The following CPAMD8 variants were observed in gnomAD, a reference collection of about 807,000 sequenced individuals.
CPAMD8 encodes C3 and PZP-like alpha-2-macroglobulin domain-containing protein 8.
CPAMD8 carries 146 observed loss-of-function variants against 224.7 expected under a neutral mutation model. The ratio of observed to expected loss-of-function variants is 0.65; its 90% CI spans 0.57 to 0.75. The LOEUF is 0.75. CPAMD8 is among the 30% of genes least tolerant of loss of function. CPAMD8 has a pLI of 0.00. For synonymous variants in CPAMD8, 966 were observed against 1,044.6 expected (o/e 0.92, Z 1.45); for missense variants, 2,301 against 2,537.5 (o/e 0.91, Z 2.00).
At chr19:16,952,261 C>T (rs1599770286) in intron 19 of CPAMD8, 61 bp from the exon 20 acceptor site, 2 of 972,082 alleles carry the variant, frequency 2.1e-6, no homozygotes, top group East Asian at 2.6e-5. Flanking sequence ...CTCAGGGGGG[C>T]CAGTGGGCAT....
In CPAMD8 at chr19:17,026,587, G is replaced by C; in HGVS notation, c.56C>G (p.Ala19Gly). 1 of 1,527,450 alleles carries C rather than the reference G, an allele frequency of 6.5e-7. No homozygotes were observed. The highest frequency in any genetic ancestry group is 8.7e-7 in the Non-Finnish European group (1 of 1,146,396). 94.6% of individuals were successfully genotyped at this position (1,527,450 alleles called of 1,614,324 possible). A position where few individuals can be genotyped will look rare whatever the true frequency, so the allele number is the denominator to read the frequency against. Residue 19 changes from alanine (A) to glycine (G), a missense_variant, in exon 1 of 42, where the codon GCG becomes GGG. This residue lies in a region of CPAMD8 where 283 missense variants were observed against 340.6 expected (regional missense o/e 0.83). Transcript: ENST00000443236. Reference protein sequence around the residue: ...LLPLLLLLLSARDGVRAAQPQ... With the variant: ...LLPLLLLLLSGRDGVRAAQPQ... The stretch of plus-strand genomic sequence containing the variant: ...CTGCGCGGCGCGCACGCCGTCCCGC[G>C]CCGACAGCAGCAGGAGCAGGAGCGG...
intron 22 of CPAMD8, among the ~76,000 whole-genome samples, chr19:16,942,654 C>T (rs1038756344): frequency 6.6e-6 from 1 of 152,196 alleles, no homozygotes; most frequent in African/African-American, 2.4e-5. Flanking sequence ...GCTGACTCAG[C>T]TCACAGAGGA....
intron 8 of CPAMD8, chr19:17,002,610 G>A (rs1185626646): frequency 1.5e-5 from 5 of 334,046 alleles, no homozygotes; most frequent in East Asian, 5.4e-5. Context: ...AGAGTGTGGC[G>A]GATTCCAGCC....
intron 18 of CPAMD8, among the ~76,000 whole-genome samples, chr19:16,967,829 G>GTA (rs1348147866): frequency 2.9e-4 from 15 of 51,048 alleles, no homozygotes; most frequent in Non-Finnish European, 4.5e-4. Context: ...ATATATATAT[G>GTA]TATATATATA....
rs186698552 is a variant in CPAMD8, at chr19:16,923,042, G to A, written c.3548-1056C>T. Among the ~76,000 whole-genome samples, 45 of 152,360 alleles carry A rather than the reference G, an allele frequency of 3.0e-4. No individual in the cohort carries two copies. In the East Asian group the frequency reaches 7.9e-3, roughly 27 times the overall value. ...CCCACAGCCCTCTGTCCCCAGGCGT[G>A]GGGGCTGCTCCAACTGCTGGGGCGA... is the stretch of plus-strand genomic sequence containing the variant. On this transcript the variant is annotated intron_variant, in intron 26 of 41. Coordinates refer to ENST00000443236, the MANE Select transcript of CPAMD8 (RefSeq NM_015692.5).
At position 16,928,969 on chromosome 19, in the gene CPAMD8, C is replaced by A; in HGVS notation, c.3117G>T (p.Trp1039Cys). Residue 1039 changes from tryptophan to cysteine, a missense_variant, in exon 24 of 42, where the codon TGG (tryptophan) becomes TGT (cysteine). Physicochemically the swap from Trp to Cys is radical, Grantham distance 215. Transcript: ENST00000443236. ...ILSWDEFRTF[W>C]ISWRGGLIQV... Reference sequence around the variant, plus strand: ...GGATAAGGCCACCACGCCAGCTGATCCAGAATGTTCTGAATTCATCCCAGG... The same window carrying A: ...GGATAAGGCCACCACGCCAGCTGATACAGAATGTTCTGAATTCATCCCAGG... 1 of 1,611,886 alleles carries A rather than the reference C, an allele frequency of 6.2e-7. No individual in the cohort carries two copies.
At chr19:16,983,699 G>A (rs143474485) in intron 13 of CPAMD8, among the ~76,000 whole-genome samples, 280 of 152,248 alleles carry the variant, frequency 1.8e-3, no homozygotes, top group African/African-American at 6.5e-3. Context: ...AAGGCCATGA[G>A]TGGGATAACT....
intron 19 of CPAMD8, among the ~76,000 whole-genome samples, chr19:16,954,997 G>A (rs987009983): frequency 3.3e-5 from 5 of 152,324 alleles, no homozygotes; most frequent in African/African-American, 1.2e-4. Flanking sequence ...GCATGGTGGT[G>A]GGCGGCTGTG....
chr19:17,021,281 G>T (rs1365767764), intron 2 of CPAMD8, among the ~76,000 whole-genome samples: 1 of 152,128 alleles, frequency 6.6e-6, no homozygotes, highest in Non-Finnish European at 1.5e-5. Flanking sequence ...AAGCCAACTG[G>T]GTTGGGTTTC....
chr19:17,002,092 A>G (rs1417902771), intron 9 of CPAMD8, among the ~76,000 whole-genome samples, 174 bp downstream of exon 9: 2 of 145,340 alleles, frequency 1.4e-5, no homozygotes, highest in African/African-American at 2.6e-5. Flanking sequence ...ACAGGAAGGG[A>G]GATGCACTAG....
rs1308989157 is a variant in CPAMD8 at position 16,907,036 on chromosome 19, G to A, written c.3943C>T (p.Leu1315=). The A allele has an allele frequency of 6.2e-7, 1 of 1,610,390 alleles. No homozygotes were observed. The highest frequency in any genetic ancestry group is 8.5e-7 in the Non-Finnish European group (1 of 1,179,140). ...AGCAGGGTCAGCGCGTAGGTAGTCAGGGCACAGCTATAAGGGTCCATGGCC... is the reference window on the plus strand; with the variant it reads ...AGCAGGGTCAGCGCGTAGGTAGTCAAGGCACAGCTATAAGGGTCCATGGCC... ...PLAMDPYSCA[L]TTYALTLLRS... The change falls in exon 30 of 42, where the codon CTG becomes TTG. Residue 1315 remains leucine (L), a synonymous_variant. Coordinates refer to ENST00000443236, the MANE Select transcript of CPAMD8 (RefSeq NM_015692.5).
chr19:16,982,682 A>C (rs904325048), intron 13 of CPAMD8, among the ~76,000 whole-genome samples: 2 of 151,758 alleles, frequency 1.3e-5, no homozygotes. Context: ...AAAAAATAAT[A>C]AAAAAAATAG....
At chr19:16,929,269 G>T (rs1404089620) in intron 23 of CPAMD8, 29 bp from the exon 24 acceptor site, 4 of 1,561,272 alleles carry the variant, frequency 2.6e-6, no homozygotes, top group Non-Finnish European at 3.5e-6. Flanking sequence ...ATGGGGAGTT[G>T]AGAGGGCACC....
Position 16,928,036 on chromosome 19 carries a change from A to T in CPAMD8, c.3343T>A (p.Ser1115Thr). The change falls in exon 25 of 42, where the codon TCT becomes ACT. Residue 1115 changes from serine (S) to threonine (T), a missense_variant. Around this residue, in one of 4 missense-constraint regions of CPAMD8, gnomAD observed 1,709 missense variants for 1,753.2 expected, o/e 0.97. Coordinates refer to ENST00000443236, the MANE Select transcript of CPAMD8 (RefSeq NM_015692.5). ...LGVPHGAIPG[S>T]ERATASIIGD... ...ATGATGGAGGCGGTGGCTCGCTCAG[A>T]CCCAGGGATGGCGCCGTGTGGGACC... The T allele has an allele frequency of 6.2e-7, 1 of 1,613,624 alleles. No homozygotes were observed. The highest frequency in any genetic ancestry group is 8.5e-7 in the Non-Finnish European group (1 of 1,179,724).
At chr19:16,998,557 T>C (rs549680147) in intron 10 of CPAMD8, among the ~76,000 whole-genome samples, 14 of 152,226 alleles carry the variant, frequency 9.2e-5, no homozygotes, top group African/African-American at 3.4e-4. Context: ...GGAAAGGGAC[T>C]GAGAAGGAGC....
chr19:17,009,445 CT>C, intron 5 of CPAMD8, 125 bp from the exon 6 acceptor site: 1 of 1,519,610 alleles, frequency 6.6e-7, no homozygotes, highest in Non-Finnish European at 9.0e-7. Flanking sequence ...CAGTGTCCCC[CT>C]AGATTACATC....
At chr19:16,896,394 A>T in intron 40 of CPAMD8, 62 bp downstream of exon 40, 5 of 1,515,642 alleles carry the variant, frequency 3.3e-6, no homozygotes, top group Non-Finnish European at 4.4e-6. Context: ...AGGGGAGGAG[A>T]TCCGTGGCCC....
chr19:16,969,873 C>CAAAAAAAA (rs768905816), intron 18 of CPAMD8, among the ~76,000 whole-genome samples: 4 of 69,844 alleles, frequency 5.7e-5, no homozygotes, highest in African/African-American at 1.7e-4. Flanking sequence ...GGCTCCATCT[C>CAAAAAAAA]AAAAAAAAAA....
intron 5 of CPAMD8, among the ~76,000 whole-genome samples, chr19:17,009,727 T>C (rs1179010210): frequency 2.0e-5 from 3 of 151,554 alleles, no homozygotes; most frequent in Non-Finnish European, 4.4e-5. Context: ...TGAGCGGAGA[T>C]TGCGCCACTG....
Sources: allele counts gnomAD v4.1 joint callset (sites outside exome capture counted in the v4.1 genomes callset), GRCh38; gene constraint gnomAD v4.1.1; regional missense constraint gnomAD v4.1.1; transcripts MANE v1.5; gene names NCBI Gene and HGNC (gene_info 2026-07-23, HGNC 2026-07-21).